The following SERINC1 variants were observed in gnomAD, a reference collection of about 807,000 sequenced individuals.
SERINC1 encodes serine incorporator 1.
A neutral mutation model predicts 52.9 loss-of-function variants in SERINC1; 38 were observed. The observed-to-expected ratio is 0.72, with a 90% CI of 0.55 to 0.94. The LOEUF (loss-of-function observed/expected upper bound fraction) is 0.94. Among genes scored for constraint, SERINC1 ranks in the 40% least tolerant of loss-of-function variants. SERINC1 has a pLI of 0.00. For synonymous variants in SERINC1, 198 were observed against 183.1 expected (o/e 1.08, Z -0.66); for missense variants, 471 against 533.9 (o/e 0.88, Z 1.16).
At chr6:122,459,968 A>G (rs575799083) in intron 1 of SERINC1, among the ~76,000 whole-genome samples, 1 of 152,318 alleles carries the variant, frequency 6.6e-6, no homozygotes, top group East Asian at 1.9e-4. Context: ...TGACTTAAAC[A>G]ATGGAAAAAA....
At chr6:122,454,794 A>G (rs1352958637) in intron 3 of SERINC1, among the ~76,000 whole-genome samples, 1 of 151,984 alleles carries the variant, frequency 6.6e-6, no homozygotes, top group African/African-American at 2.4e-5. Flanking sequence ...GGAATACACA[A>G]TGGGTAGCAG....
rs777335081 is a variant in SERINC1 at position 122,445,038 on chromosome 6, TCTCA to T, written c.*2_*5del. The T allele has an allele frequency of 2.9e-5, 46 of 1,611,466 alleles. No homozygotes were observed. Among genetic ancestry groups the T allele is most frequent in the Admixed American group, 1.7e-4 (10 of 59,512 alleles). ...CAAAGTGGGACTTTCATGCTAGAAG[TCTCA>T]CTCAGTCAAAATCACGATTTGTAAG... On this transcript the variant is annotated 3_prime_UTR_variant, in exon 10 of 10. Coordinates refer to ENST00000339697, the MANE Select transcript of SERINC1 (RefSeq NM_020755.4).
rs1358949000 is a variant in SERINC1, at chr6:122,444,958, A to G, written c.*86T>C. Reference sequence around the variant, plus strand: ...CACTGGAGAAGTTACATGGGAAGCAAAAACATACACAACTTTACAAAAGTT... The same window carrying G: ...CACTGGAGAAGTTACATGGGAAGCAGAAACATACACAACTTTACAAAAGTT... On this transcript the variant is annotated 3_prime_UTR_variant, in exon 10 of 10. Transcript: ENST00000339697. The G allele has an allele frequency of 9.4e-6, 13 of 1,378,284 alleles. No homozygotes were observed. Among genetic ancestry groups the G allele is most frequent in the Middle Eastern group, 3.7e-4 (2 of 5,410 alleles). The allele number at this position is 1,378,284 out of a possible 1,614,324, so 85.4% of individuals were successfully genotyped here.
intron 1 of SERINC1, among the ~76,000 whole-genome samples, chr6:122,459,819 G>A (rs1359531693): frequency 6.6e-6 from 1 of 151,590 alleles, no homozygotes; most frequent in Non-Finnish European, 1.5e-5. Context: ...AAATGAGAAG[G>A]GAAAAAACGG....
In SERINC1 at chr6:122,453,241, C is replaced by T. The variant is rs75036451; in HGVS notation, c.589+529G>A. Among the ~76,000 whole-genome samples, 333 of 152,222 alleles carry T rather than the reference C, an allele frequency of 2.2e-3. 8 individuals carry two copies. In the East Asian group the frequency reaches 0.043, roughly 20 times the overall value. ...GGATATCTGTTTTCAAGTATAACCC[C>T]AAAGGACTCAACATCATCATTATAA... On this transcript the variant is annotated intron_variant, in intron 5 of 9. Coordinates refer to ENST00000339697, the MANE Select transcript of SERINC1 (RefSeq NM_020755.4).
At chr6:122,449,345 G>C (rs1047387676) in intron 7 of SERINC1, among the ~76,000 whole-genome samples, 3 of 152,168 alleles carry the variant, frequency 2.0e-5, no homozygotes, top group African/African-American at 4.8e-5. Context: ...GCAAAGAAAA[G>C]AAAAAGTTCT....
chr6:122,467,604 C>CA, intron 1 of SERINC1, among the ~76,000 whole-genome samples: 1 of 151,630 alleles, frequency 6.6e-6, no homozygotes. Flanking sequence ...GAGATTCTGT[C>CA]AAAAAAAGAA....
At chr6:122,452,450 G>A (rs1418708145) in intron 5 of SERINC1, among the ~76,000 whole-genome samples, 3 of 152,012 alleles carry the variant, frequency 2.0e-5, no homozygotes, top group Non-Finnish European at 1.5e-5. Context: ...GTAAACAAGG[G>A]CATTAAGAAA....
intron 5 of SERINC1, among the ~76,000 whole-genome samples, chr6:122,452,298 G>C (rs950886860): frequency 6.6e-6 from 1 of 152,042 alleles, no homozygotes; most frequent in African/African-American, 2.4e-5. Context: ...AAGTTAGTAA[G>C]AAACTAATAG....
chr6:122,456,737 G>A, intron 2 of SERINC1, 87 bp from the exon 3 acceptor site: 2 of 1,026,152 alleles, frequency 1.9e-6, no homozygotes, highest in African/African-American at 1.7e-5. Context: ...TTTAAGTAAA[G>A]GTTTAGAAAA....
intron 6 of SERINC1, 22 bp from the exon 7 acceptor site, chr6:122,451,776 A>AATATATATATATATATATATAT (rs1554211251): frequency 4.4e-5 from 5 of 113,074 alleles, no homozygotes; most frequent in African/African-American, 1.5e-4. Context: ...AAAAAAAAAA[A>AATATATATATATATATATATAT]ATATATATAT....
At chr6:122,457,802 T>A (rs1775025495) in intron 2 of SERINC1, among the ~76,000 whole-genome samples, 2 of 106,074 alleles carry the variant, frequency 1.9e-5, no homozygotes, top group Admixed American at 2.1e-4. Flanking sequence ...GAGTAAGACA[T>A]ACATATATAT....
intron 2 of SERINC1, among the ~76,000 whole-genome samples, chr6:122,457,045 C>T (rs574870682): frequency 1.1e-4 from 17 of 152,052 alleles, no homozygotes; most frequent in African/African-American, 4.1e-4. Context: ...AAATTATTTC[C>T]TCCCACTCTT....
chr6:122,458,479 CT>C lies in SERINC1; in HGVS notation c.201+40del, dbSNP rs779906106. ...AATTTTATACATATACATATATACC[CT>C]ATAGCCTCAGTTAATCAATAAATAA... On this transcript the variant is annotated intron_variant, in intron 2 of 9. Transcript: ENST00000339697. 153 of 1,450,052 alleles carry C rather than the reference CT, an allele frequency of 1.1e-4. 1 individual carries two copies. The Middle Eastern group carries it at 1.2e-3, about 12-fold the overall frequency. 89.8% of individuals were successfully genotyped at this position (1,450,052 alleles called of 1,614,324 possible).
rs1460504080 is a variant in SERINC1, at chr6:122,451,942, G to A, written c.705C>T (p.Val235=). Residue 235 remains valine (V), a synonymous_variant, in exon 6 of 10, where the codon GTC becomes GTT. Coordinates refer to ENST00000339697, the MANE Select transcript of SERINC1 (RefSeq NM_020755.4). ...SCSENKAFIS[V]NMLLCVGASV... is the part of the protein sequence containing the mutation. The stretch of plus-strand genomic sequence containing the variant: ...AAGCACCAACGCAGAGGAGCATGTT[G>A]ACACTGATGAACGCCTTGTTTTCTG... 1.4e-5 allele frequency: 22 copies of A among 1,599,302 alleles called. No individual in the cohort carries two copies. Among genetic ancestry groups the A allele is most frequent in the Non-Finnish European group, 1.8e-5 (21 of 1,173,586 alleles).
rs775444624 is a variant in SERINC1, at chr6:122,471,615, G to A, written c.39+84C>T. The A allele has an allele frequency of 3.6e-5, 57 of 1,564,948 alleles. 1 individual carries two copies. Among genetic ancestry groups the A allele is most frequent in the Non-Finnish European group, 4.7e-5 (54 of 1,137,234 alleles). ...CTGTTGGGTGGGGCACCACATTCCC[G>A]CCGGGCTCACCCAGCCCCGGCTCGG... On this transcript the variant is annotated intron_variant, in intron 1 of 9. Transcript: ENST00000339697.
intron 1 of SERINC1, among the ~76,000 whole-genome samples, chr6:122,464,927 A>T (rs1775161641): frequency 1.3e-5 from 2 of 152,182 alleles, no homozygotes; most frequent in African/African-American, 4.8e-5. Flanking sequence ...ACATAAAAAT[A>T]ATAGTACAAA....
chr6:122,461,817 A>G (rs1775105690), intron 1 of SERINC1, among the ~76,000 whole-genome samples: 1 of 152,152 alleles, frequency 6.6e-6, no homozygotes, highest in African/African-American at 2.4e-5. Context: ...AAATTATACC[A>G]GAGAGAAATT....
chr6:122,451,776 A>AAAAAAAT, intron 6 of SERINC1, 22 bp from the exon 7 acceptor site: 4 of 113,050 alleles, frequency 3.5e-5, no homozygotes, highest in Non-Finnish European at 5.5e-5. Context: ...AAAAAAAAAA[A>AAAAAAAT]ATATATATAT....
Sources: allele counts gnomAD v4.1 joint callset (sites outside exome capture counted in the v4.1 genomes callset), GRCh38; gene constraint gnomAD v4.1.1; transcripts MANE v1.5; gene names NCBI Gene and HGNC (gene_info 2026-07-23, HGNC 2026-07-21).